Variants in HEPH observed in about 807,000 individuals in gnomAD.
HEPH encodes hephaestin.
HEPH carries 69 observed loss-of-function variants against 80.8 expected under a neutral mutation model. The ratio of observed to expected loss-of-function variants is 0.85; its 90% CI spans 0.70 to 1.04. The LOEUF (loss-of-function observed/expected upper bound fraction) is 1.04. Ranked by LOEUF, HEPH falls within the 50% of genes least tolerant of loss-of-function variation. HEPH has a pLI of 0.00. For missense variants in HEPH, 1,115 were observed against 891.3 expected, an observed-to-expected ratio of 1.25 and a Z score of -3.20; for synonymous variants, 431 against 322.8, an observed-to-expected ratio of 1.34 and a Z score of -3.60.
intron 16 of HEPH, 23 bp from the exon 17 acceptor site, chrX:66,256,082 C>T: frequency 8.8e-7 from 1 of 1,140,390 alleles, no homozygotes; most frequent in Non-Finnish European, 1.2e-6. Context: ...CTTTCTCTCT[C>T]TCCCACTTCC....
intron 15 of HEPH, among the ~76,000 whole-genome samples, chrX:66,214,408 A>T (rs2089293239): frequency 9.0e-6 from 1 of 111,718 alleles, no homozygotes; most frequent in African/African-American, 3.2e-5. Flanking sequence ...AATCCCTTCT[A>T]GGTTTTAAAC....
At chrX:66,207,070 TC>T (rs1320828525) in intron 13 of HEPH, 124 bp from the exon 14 acceptor site, 33 of 432,863 alleles carry the variant, frequency 7.6e-5, no homozygotes, top group African/African-American at 1.7e-4. Context: ...AAGAAATAGG[TC>T]CCCCCCCTTT....
In HEPH at chrX:66,258,854, C is replaced by A. The variant is rs2148210204; in HGVS notation, c.2911C>A (p.Leu971Ile). 1 of 1,157,600 alleles carries A rather than the reference C, an allele frequency of 8.6e-7. No individual in the cohort carries two copies. The highest frequency in any genetic ancestry group is 1.1e-6 in the Non-Finnish European group (1 of 871,430). Residue 971 changes from leucine to isoleucine, a missense_variant, in exon 18 of 21, where the codon CTC (leucine) becomes ATC (isoleucine). By Grantham distance (5) the Leu-to-Ile change is conservative. This residue lies in a region of HEPH where 716 missense variants were observed against 523.5 expected (regional missense o/e 1.37). Coordinates refer to ENST00000343002, the MANE Select transcript of HEPH (RefSeq NM_001367233.3). ...TTTTTTGACAGCAATCAATGGGAAA[C>A]TCTATGCCAACCTTAGGGGTCTTAC... ...SNKMHAINGK[L>I]YANLRGLTMY...
chrX:66,255,553 A>T (rs1262218255), intron 16 of HEPH, among the ~76,000 whole-genome samples: 2 of 112,009 alleles, frequency 1.8e-5, no homozygotes, highest in East Asian at 5.6e-4. Flanking sequence ...AAATGGATTT[A>T]TCGATCTAGC....
At chrX:66,226,872 C>G (rs945242182) in intron 15 of HEPH, among the ~76,000 whole-genome samples, 1 of 111,469 alleles carries the variant, frequency 9.0e-6, no homozygotes, top group Non-Finnish European at 1.9e-5. Flanking sequence ...AGATTTGGTA[C>G]CCATGTTATT....
chrX:66,251,868 C>T (rs925948431), intron 15 of HEPH, among the ~76,000 whole-genome samples: 2 of 111,918 alleles, frequency 1.8e-5, no homozygotes, highest in Non-Finnish European at 3.8e-5. Context: ...TGTAGAGTCT[C>T]GCAAGCCATG....
chrX:66,199,228 A>G (rs895970048), intron 11 of HEPH, among the ~76,000 whole-genome samples, 200 bp downstream of exon 11: 3 of 112,001 alleles, frequency 2.7e-5, no homozygotes, highest in African/African-American at 9.7e-5. Context: ...GTTACACAGT[A>G]TGGGGGAAAC....
rs759544421 is a variant in HEPH at position 66,173,799 on chromosome X, G to T, written c.623G>T (p.Arg208Ile). 3.4e-6 allele frequency: 4 copies of T among 1,169,690 alleles called. No homozygotes were observed. In the South Asian group the frequency reaches 7.5e-5, roughly 22 times the overall value. The change falls in exon 4 of 21, where the codon AGA (arginine) becomes ATA (isoleucine). Residue 208 changes from arginine (R) to isoleucine (I), a missense_variant and splice_region_variant. Physicochemically the swap from Arg to Ile is moderately conservative, Grantham distance 97. Around this residue, in one of 3 missense-constraint regions of HEPH, gnomAD observed 391 missense variants for 343.6 expected, o/e 1.14. Coordinates refer to ENST00000343002, the MANE Select transcript of HEPH (RefSeq NM_001367233.3). The part of the protein sequence containing the change: ...GLIGPLITCK[R>I]GALDGNSPPQ... Reference sequence around the variant, plus strand: ...ATTGGGCCTCTCATCACCTGTAAAAGAGGTACAGGTCCCAAGGATAAGCTA... The same window carrying T: ...ATTGGGCCTCTCATCACCTGTAAAATAGGTACAGGTCCCAAGGATAAGCTA...
chrX:66,178,957 C>T (rs12391520), intron 4 of HEPH, among the ~76,000 whole-genome samples: 11,495 of 111,199 alleles, frequency 0.1, 470 homozygotes, highest in African/African-American at 0.14. Flanking sequence ...TAGTTACATC[C>T]CATTTGCCAA....
At chrX:66,182,017 C>T (rs1292974027) in intron 4 of HEPH, among the ~76,000 whole-genome samples, 5 of 107,465 alleles carry the variant, frequency 4.7e-5, no homozygotes, top group Admixed American at 2.0e-4. Flanking sequence ...TGTAGATATG[C>T]GGCATTATTT....
chrX:66,248,066 A>G (rs2090877552), intron 15 of HEPH, among the ~76,000 whole-genome samples: 1 of 109,585 alleles, frequency 9.1e-6, no homozygotes, highest in Admixed American at 9.7e-5. Flanking sequence ...TCTGGACCCC[A>G]TTCCCTCTCC....
chrX:66,218,151 A>G (rs904189702), intron 15 of HEPH, among the ~76,000 whole-genome samples: 2 of 111,503 alleles, frequency 1.8e-5, no homozygotes, highest in Non-Finnish European at 3.8e-5. Context: ...CAAAGGAACA[A>G]TGGACTTAAA....
At chrX:66,177,678 G>T (rs1258134257) in intron 4 of HEPH, among the ~76,000 whole-genome samples, 1 of 110,558 alleles carries the variant, frequency 9.0e-6, no homozygotes, top group Non-Finnish European at 1.9e-5. Flanking sequence ...CCAGCTTTTT[G>T]TTTCATTTAT....
Position 66,192,317 on chromosome X carries a change from C to A in HEPH, c.1232+19C>A. Reference sequence around the variant, plus strand: ...CAGGCAGGTAAGAGGCAGTGGGATCCCTCTCTTTAATTCTTTAATTGGTCC... The same window carrying A: ...CAGGCAGGTAAGAGGCAGTGGGATCACTCTCTTTAATTCTTTAATTGGTCC... On this transcript the variant is annotated intron_variant, in intron 7 of 20. Coordinates refer to ENST00000343002, the MANE Select transcript of HEPH (RefSeq NM_001367233.3). 1 of 1,177,084 alleles carries A rather than the reference C, an allele frequency of 8.5e-7. No homozygotes were observed. The highest frequency in any genetic ancestry group is 1.2e-6 in the Non-Finnish European group (1 of 868,873).
At chrX:66,173,402 T>C (rs946188545) in intron 3 of HEPH, among the ~76,000 whole-genome samples, 187 bp from the exon 4 acceptor site, 11 of 112,128 alleles carry the variant, frequency 9.8e-5, no homozygotes, top group Non-Finnish European at 1.5e-4. Context: ...AGGACTGGAT[T>C]TTTTAGGTTA....
chrX:66,219,505 G>C (rs1280643859), intron 15 of HEPH, among the ~76,000 whole-genome samples: 1 of 112,030 alleles, frequency 8.9e-6, no homozygotes, highest in Non-Finnish European at 1.9e-5. Context: ...GGCAAGAATA[G>C]TCAAGGCTCT....
chrX:66,203,000 A>G (rs1224504324), intron 12 of HEPH, among the ~76,000 whole-genome samples: 3 of 105,261 alleles, frequency 2.9e-5, no homozygotes, highest in Non-Finnish European at 3.9e-5. Context: ...TTTATATATA[A>G]TAAATGAAAG....
chrX:66,166,149 G>A (rs1474603696), intron 1 of HEPH, among the ~76,000 whole-genome samples: 3 of 111,487 alleles, frequency 2.7e-5, no homozygotes, highest in Non-Finnish European at 3.8e-5. Flanking sequence ...GTGCCTGAAC[G>A]CTTTCCACTG....
At chrX:66,230,107 A>T (rs2090063346) in intron 15 of HEPH, among the ~76,000 whole-genome samples, 1 of 98,036 alleles carries the variant, frequency 1.0e-5, no homozygotes, top group African/African-American at 3.9e-5. Context: ...ACATGAACTC[A>T]TCATTTTTTA....
Sources: gnomAD v4.1 joint callset for allele counts (sites outside exome capture counted in the v4.1 genomes callset) on GRCh38, gnomAD v4.1.1 for gene constraint, gnomAD v4.1.1 regional missense constraint, MANE v1.5 for transcripts, NCBI Gene and HGNC (gene_info 2026-07-23, HGNC 2026-07-21) for gene names.